PARD3B: variants seen among roughly 807,000 people sequenced by gnomAD.
PARD3B encodes par-3 family cell polarity regulator beta.
In PARD3B, 103 loss-of-function variants were observed where a neutral mutation model predicts 130.2. That is an observed-to-expected ratio of 0.79 (90% CI 0.67 to 0.93). The LOEUF (loss-of-function observed/expected upper bound fraction) is 0.93, where lower values mean the gene tolerates loss of function less well. PARD3B is among the 40% of genes least tolerant of loss of function. The pLI is 0.00. For missense variants in PARD3B, 1,609 were observed against 1,499.2 expected (o/e 1.07, Z -1.21); for synonymous variants, 583 against 553.2 (o/e 1.05, Z -0.76).
chr2:205,324,777 G>A (rs2042882542), intron 18 of PARD3B, among the ~76,000 whole-genome samples: 1 of 152,036 alleles, frequency 6.6e-6, no homozygotes, highest in Admixed American at 6.6e-5. Flanking sequence ...CTCTGGGAGA[G>A]AAAGAGAGTC....
At chr2:205,132,768 T>G (rs1235331887) in intron 10 of PARD3B, among the ~76,000 whole-genome samples, 1 of 152,174 alleles carries the variant, frequency 6.6e-6, no homozygotes, top group Non-Finnish European at 1.5e-5. Flanking sequence ...AATTTCCTCA[T>G]TTGTTAAAAA....
At position 205,446,668 on chromosome 2, in the gene PARD3B, A is replaced by G. The variant is rs2047917663; in HGVS notation, c.3044+5996A>G. Among the ~76,000 whole-genome samples the G allele has an allele frequency of 6.6e-6, 1 of 152,132 alleles. No homozygotes were observed. On this transcript the variant is annotated intron_variant, in intron 20 of 22. Coordinates refer to ENST00000406610, the MANE Select transcript of PARD3B (RefSeq NM_001302769.2). The surrounding 1 kb of genome is among the most constrained non-coding windows in gnomAD (Gnocchi z 4.4). ...AAATTGCCTTATAAAAGATTCATCTATAAATGACAGTGGTTAAAAAAAAAT... is the reference window on the plus strand; with the variant it reads ...AAATTGCCTTATAAAAGATTCATCTGTAAATGACAGTGGTTAAAAAAAAAT...
intron 11 of PARD3B, among the ~76,000 whole-genome samples, chr2:205,168,301 G>GAC: frequency 8.3e-6 from 1 of 120,432 alleles, no homozygotes; most frequent in Non-Finnish European, 1.8e-5. Flanking sequence ...GAGAGAGAGA[G>GAC]AGAGAGAGAG....
At chr2:204,776,153 T>C (rs991910979) in intron 2 of PARD3B, among the ~76,000 whole-genome samples, 3 of 152,190 alleles carry the variant, frequency 2.0e-5, no homozygotes, top group African/African-American at 7.2e-5. Flanking sequence ...GGAATATTAT[T>C]GAATGACACA....
chr2:205,567,495 TG>T (rs1559224755), intron 22 of PARD3B, among the ~76,000 whole-genome samples: 3 of 141,940 alleles, frequency 2.1e-5, no homozygotes, highest in East Asian at 2.1e-4. Context: ...TTTTTTTTTT[TG>T]TATTTTTAGT....
At chr2:205,066,301 C>G (rs1220756509) in intron 4 of PARD3B, among the ~76,000 whole-genome samples, 1 of 152,150 alleles carries the variant, frequency 6.6e-6, no homozygotes, top group Non-Finnish European at 1.5e-5. Context: ...TAACATCAAA[C>G]ACGAAGAGAA....
rs370133579 is a variant in PARD3B, at chr2:205,553,526, G to T, written c.3260+123G>T. On this transcript the variant is annotated intron_variant, in intron 22 of 22. Coordinates refer to ENST00000406610, the MANE Select transcript of PARD3B (RefSeq NM_001302769.2). The stretch of plus-strand genomic sequence containing the variant: ...TATGTTATAATTTTGCCTTGCTGCC[G>T]TCTGCTGTAGCCCTAGTTCCATCTT... 12 of 852,776 alleles carry T rather than the reference G, an allele frequency of 1.4e-5. No homozygotes were observed. In the African/African-American group the frequency reaches 1.8e-4, roughly 13 times the overall value. 52.8% of individuals were successfully genotyped at this position (852,776 alleles called of 1,614,324 possible).
intron 1 of PARD3B, among the ~76,000 whole-genome samples, chr2:204,646,586 A>G (rs1295102690): frequency 6.6e-6 from 1 of 152,044 alleles, no homozygotes; most frequent in Non-Finnish European, 1.5e-5. Flanking sequence ...GTTGTGATGA[A>G]TATTCTGAGA....
intron 22 of PARD3B, among the ~76,000 whole-genome samples, chr2:205,556,496 C>G (rs565965683): frequency 6.6e-6 from 1 of 152,260 alleles, no homozygotes; most frequent in African/African-American, 2.4e-5. Flanking sequence ...AAAGCCAGAG[C>G]GCTGGCCAGC....
chr2:205,594,942 A>G (rs567009899), intron 22 of PARD3B, among the ~76,000 whole-genome samples: 1 of 152,282 alleles, frequency 6.6e-6, no homozygotes, highest in East Asian at 1.9e-4. Flanking sequence ...TTTTATTTTT[A>G]TTTTTTAAAG....
At chr2:205,120,949 CAA>C (rs1199429505) in intron 7 of PARD3B, among the ~76,000 whole-genome samples, 1 of 152,166 alleles carries the variant, frequency 6.6e-6, no homozygotes, top group African/African-American at 2.4e-5. Context: ...AGGAAGAACA[CAA>C]AGTGTTAGGT....
chr2:204,799,835 T>A lies in PARD3B; in HGVS notation c.222+113553T>A, dbSNP rs181741537. Among the ~76,000 whole-genome samples the A allele has an allele frequency of 6.6e-6, 1 of 152,174 alleles. No individual in the cohort carries two copies. Among genetic ancestry groups the A allele is most frequent in the East Asian group, 1.9e-4 (1 of 5,190 alleles). On this transcript the variant is annotated intron_variant, in intron 2 of 22. Transcript: ENST00000406610. The surrounding 1 kb of genome is among the most constrained non-coding windows in gnomAD (Gnocchi z 4.1). ...ACTGAGGGTTCCCCAAATGCAGATATGGCTGCAGTGACTAAAGATTTATAT... is the reference window on the plus strand; with the variant it reads ...ACTGAGGGTTCCCCAAATGCAGATAAGGCTGCAGTGACTAAAGATTTATAT...
rs374024754 is a variant in PARD3B, at chr2:205,068,605, C to T, written c.504+20915C>T. Among the ~76,000 whole-genome samples the T allele has an allele frequency of 4.6e-5, 7 of 151,114 alleles. No individual in the cohort carries two copies. In the South Asian group the frequency reaches 1.5e-3, roughly 31 times the overall value. On this transcript the variant is annotated intron_variant, in intron 4 of 22. Coordinates refer to ENST00000406610, the MANE Select transcript of PARD3B (RefSeq NM_001302769.2). ...TATTTTTTTTTTTACCTTTTCCTAG[C>T]TTCTTGTATGCTTAACTCATTTATT...
chr2:205,429,657 A>G (rs2047262046), intron 19 of PARD3B, among the ~76,000 whole-genome samples: 1 of 152,070 alleles, frequency 6.6e-6, no homozygotes, highest in Admixed American at 6.6e-5. Context: ...AAAAATACAC[A>G]TTTTTCCAAA....
intron 10 of PARD3B, among the ~76,000 whole-genome samples, chr2:205,155,072 A>C (rs945101123): frequency 8.1e-5 from 12 of 147,524 alleles, no homozygotes; most frequent in Admixed American, 6.8e-4. Flanking sequence ...AAAAAAAAAA[A>C]CAAATTTAGG....
chr2:205,532,100 C>G (rs1291145078), intron 21 of PARD3B, among the ~76,000 whole-genome samples: 3 of 152,094 alleles, frequency 2.0e-5, no homozygotes, highest in Non-Finnish European at 4.4e-5. Flanking sequence ...TCTGAGTGTT[C>G]CTTTGTGATC....
At chr2:204,968,073 C>T (rs1173281652) in intron 3 of PARD3B, among the ~76,000 whole-genome samples, 1 of 152,122 alleles carries the variant, frequency 6.6e-6, no homozygotes, top group Non-Finnish European at 1.5e-5. Flanking sequence ...GCTCATTCAC[C>T]CAACCTGGTA....
chr2:204,775,196 G>T (rs2041566923), intron 2 of PARD3B, among the ~76,000 whole-genome samples: 1 of 152,132 alleles, frequency 6.6e-6, no homozygotes, highest in Non-Finnish European at 1.5e-5. Context: ...TAAAAAAAGT[G>T]TCGTATAATA....
At chr2:204,740,762 G>A (rs1387304489) in intron 2 of PARD3B, among the ~76,000 whole-genome samples, 1 of 152,192 alleles carries the variant, frequency 6.6e-6, no homozygotes, top group East Asian at 1.9e-4. Context: ...ACACCAGGGT[G>A]CACAGATTTC....
Sources: gnomAD v4.1 joint callset for allele counts (sites outside exome capture counted in the v4.1 genomes callset) on GRCh38, gnomAD v4.1.1 for gene constraint, Gnocchi (gnomAD v3.1) non-coding constraint, MANE v1.5 for transcripts, NCBI Gene and HGNC (gene_info 2026-07-23, HGNC 2026-07-21) for gene names.